The following CPED1 variants were observed in gnomAD, a reference collection of about 807,000 sequenced individuals.
CPED1 encodes the protein cadherin like and PC-esterase domain containing 1.
Under a neutral mutation model 128.2 loss-of-function variants are expected in CPED1, and 114 were observed. That is an observed-to-expected ratio of 0.89 (90% CI 0.76 to 1.04). The LOEUF (loss-of-function observed/expected upper bound fraction) is 1.04. CPED1 is among the 50% of genes least tolerant of loss of function. CPED1 has a pLI of 0.00. For missense variants in CPED1, 1,211 were observed against 1,207.1 expected (o/e 1.00, Z -0.05); for synonymous variants, 462 against 426.7 (o/e 1.08, Z -1.02).
At chr7:121,275,810 T>C (rs1792319147) in intron 22 of CPED1, among the ~76,000 whole-genome samples, 1 of 151,882 alleles carries the variant, frequency 6.6e-6, no homozygotes, top group South Asian at 2.1e-4. Flanking sequence ...TATTATATAA[T>C]CTTAATTAAA....
intron 22 of CPED1, among the ~76,000 whole-genome samples, chr7:121,282,577 A>C (rs1283438135): frequency 6.6e-6 from 1 of 152,232 alleles, no homozygotes; most frequent in Non-Finnish European, 1.5e-5. Context: ...TAAGTAAAAT[A>C]AGGTAATATT....
rs76186630 is a variant in CPED1, at chr7:121,046,829, A to T, written c.434-58A>T. On this transcript the variant is annotated intron_variant, in intron 3 of 22. Transcript: ENST00000310396. ...CATTTTTTAATCTGAAGAATTAAAT[A>T]TTGCTTTTAAAATATCTGATGAAAA... 5 of 1,118,474 alleles carry T rather than the reference A, an allele frequency of 4.5e-6. No individual in the cohort carries two copies. In the Admixed American group the frequency reaches 8.6e-5, roughly 19 times the overall value. 69.3% of individuals were successfully genotyped at this position (1,118,474 alleles called of 1,614,324 possible). A position where few individuals can be genotyped will look rare whatever the true frequency, so the allele number is the denominator to read the frequency against.
At chr7:121,052,063 G>T (rs1023067794) in intron 4 of CPED1, 1 of 152,178 alleles carries the variant, frequency 6.6e-6, no homozygotes, top group Non-Finnish European at 1.5e-5. Context: ...CTTAGAAACA[G>T]TGTTTTTGGT....
At chr7:121,227,893 G>A (rs1798052444) in intron 16 of CPED1, among the ~76,000 whole-genome samples, 1 of 152,044 alleles carries the variant, frequency 6.6e-6, no homozygotes, top group African/African-American at 2.4e-5. Flanking sequence ...AGAACTCCAA[G>A]TAGCAACTAA....
chr7:121,269,042 A>G (rs570189934), intron 21 of CPED1, among the ~76,000 whole-genome samples: 1 of 151,996 alleles, frequency 6.6e-6, no homozygotes, highest in Non-Finnish European at 1.5e-5. Flanking sequence ...TTACACTGAC[A>G]GCCCAAATGC....
intron 3 of CPED1, among the ~76,000 whole-genome samples, chr7:121,036,132 T>C (rs1467100734): frequency 1.3e-5 from 2 of 152,076 alleles, no homozygotes; most frequent in African/African-American, 4.8e-5. Context: ...ATTAAAAAAA[T>C]TTATTTCAAT....
chr7:121,128,265 T>C, intron 10 of CPED1, 117 bp from the exon 11 acceptor site: 1 of 632,782 alleles, frequency 1.6e-6, no homozygotes, highest in Non-Finnish European at 2.9e-6. Context: ...TAACATTAAT[T>C]AGCTCAGTTG....
At chr7:121,293,255 T>A (rs1792749417) in intron 22 of CPED1, among the ~76,000 whole-genome samples, 2 of 152,100 alleles carry the variant, frequency 1.3e-5, no homozygotes, top group African/African-American at 4.8e-5. Context: ...ACTGGCACTG[T>A]GGTGGGTTCT....
chr7:121,268,791 C>T (rs28584526), intron 21 of CPED1, among the ~76,000 whole-genome samples: 6,324 of 151,942 alleles, frequency 0.042, 421 homozygotes, highest in African/African-American at 0.14. Flanking sequence ...GTTAACTCCT[C>T]CACCACTCCC....
At chr7:121,153,705 T>A (rs1796211983) in intron 16 of CPED1, among the ~76,000 whole-genome samples, 1 of 152,176 alleles carries the variant, frequency 6.6e-6, no homozygotes, top group Non-Finnish European at 1.5e-5. Flanking sequence ...AGCCACTCTA[T>A]CACATACCAA....
intron 2 of CPED1, among the ~76,000 whole-genome samples, chr7:121,000,259 A>G (rs1409716344): frequency 6.6e-6 from 1 of 152,280 alleles, no homozygotes; most frequent in African/African-American, 2.4e-5. Context: ...GGCAGAAACT[A>G]CACCAAATTT....
chr7:121,050,912 C>A (rs1389969143), intron 4 of CPED1: 1 of 485,362 alleles, frequency 2.1e-6, no homozygotes, highest in Non-Finnish European at 4.2e-6. Context: ...CACCAGGATG[C>A]CCAAGAAGAA....
intron 22 of CPED1, among the ~76,000 whole-genome samples, chr7:121,274,473 T>A (rs1167267973): frequency 1.3e-5 from 2 of 152,180 alleles, no homozygotes; most frequent in African/African-American, 4.8e-5. Flanking sequence ...GCAAGCCATG[T>A]AGGTCTCCGC....
At chr7:121,245,455 C>T (rs1302729145) in intron 18 of CPED1, among the ~76,000 whole-genome samples, 1 of 152,068 alleles carries the variant, frequency 6.6e-6, no homozygotes, top group Non-Finnish European at 1.5e-5. Flanking sequence ...AGACTGTAAG[C>T]TTCAAAAGGG....
rs147197905 is a variant in CPED1, at chr7:121,100,073, G to T, written c.897G>T (p.Lys299Asn). 3 of 1,611,702 alleles carry T rather than the reference G, an allele frequency of 1.9e-6. No individual in the cohort carries two copies. Among genetic ancestry groups the T allele is most frequent in the Non-Finnish European group, 2.5e-6 (3 of 1,179,118 alleles). ...HSTGTVWNPP[K>N]KKRFTVKLQT... Reference sequence around the variant, plus strand: ...CGGGCACAGTTTGGAATCCACCAAAGAAAAAACGCTTCACTGTCAAGGTAA... The same window carrying T: ...CGGGCACAGTTTGGAATCCACCAAATAAAAAACGCTTCACTGTCAAGGTAA... The change falls in exon 7 of 23, where the codon AAG (lysine) becomes AAT (asparagine). Residue 299 changes from lysine (K) to asparagine (N), a missense_variant. Lys to Asn is a moderately conservative substitution (Grantham distance 94). Transcript: ENST00000310396.
chr7:121,159,399 T>G (rs1329063448), intron 16 of CPED1, among the ~76,000 whole-genome samples: 1 of 152,200 alleles, frequency 6.6e-6, no homozygotes, highest in African/African-American at 2.4e-5. Flanking sequence ...TGAGGGCCTC[T>G]GACTTGATCA....
intron 3 of CPED1, among the ~76,000 whole-genome samples, chr7:121,024,147 C>T (rs192981923): frequency 2.6e-5 from 4 of 152,192 alleles, no homozygotes; most frequent in Admixed American, 6.5e-5. Flanking sequence ...GATGTATTTA[C>T]GACCAAACAG....
intron 4 of CPED1, among the ~76,000 whole-genome samples, chr7:121,063,381 G>GAAAAAAAAAAAAAA (rs368502123): frequency 3.7e-3 from 247 of 66,920 alleles, no homozygotes; most frequent in Admixed American, 5.4e-3. Context: ...TGAAGAAACT[G>GAAAAAAAAAAAAAA]AAAAAAAAAA....
intron 2 of CPED1, among the ~76,000 whole-genome samples, chr7:120,992,953 T>C (rs1796332948): frequency 6.6e-6 from 1 of 152,196 alleles, no homozygotes; most frequent in Admixed American, 6.5e-5. Flanking sequence ...CATGGTATAA[T>C]ATATGCCAAC....
Sources: allele counts gnomAD v4.1 joint callset (sites outside exome capture counted in the v4.1 genomes callset), GRCh38; gene constraint gnomAD v4.1.1; transcripts MANE v1.5; gene names NCBI Gene and HGNC (gene_info 2026-07-23, HGNC 2026-07-21).